PELI2: variants seen among roughly 807,000 people sequenced by gnomAD.
The protein encoded by PELI2 is E3 ubiquitin-protein ligase pellino homolog 2.
Under a neutral mutation model 42.3 loss-of-function variants are expected in PELI2, and 23 were observed. The observed-to-expected ratio is 0.54, with a 90% CI of 0.39 to 0.77. The LOEUF is 0.77. Among genes scored for constraint, PELI2 ranks in the 30% least tolerant of loss-of-function variants. PELI2 has a pLI of 0.00. For synonymous variants in PELI2, 245 were observed against 212.2 expected (o/e 1.15, Z -1.34); for missense variants, 463 against 553.2 (o/e 0.84, Z 1.64).
intron 1 of PELI2, among the ~76,000 whole-genome samples, chr14:56,133,538 T>A (rs1566598779): frequency 6.6e-6 from 1 of 152,266 alleles, no homozygotes; most frequent in Admixed American, 6.5e-5. Flanking sequence ...ACACATGTCC[T>A]GCCCAGGCAA....
chr14:56,243,766 C>T lies in PELI2; in HGVS notation c.208-35910C>T, dbSNP rs113537846. 4.8e-3 allele frequency among the ~76,000 whole-genome samples: 737 copies of T among 152,214 alleles called. 5 individuals are homozygous for T. The highest frequency in any genetic ancestry group is 8.8e-3 in the Non-Finnish European group (599 of 68,002). The stretch of plus-strand genomic sequence containing the variant: ...TAAGAAAAACTACAGCTCAAAATAA[C>T]ATAAGCATAAATAGTGAAGGGAAAC... On this transcript the variant is annotated intron_variant, in intron 2 of 5. Coordinates refer to ENST00000267460, the MANE Select transcript of PELI2 (RefSeq NM_021255.3).
chr14:56,186,925 C>T (rs1015655656), intron 2 of PELI2, among the ~76,000 whole-genome samples: 3 of 151,910 alleles, frequency 2.0e-5, no homozygotes, highest in African/African-American at 4.8e-5. Flanking sequence ...GAATTATGAC[C>T]CTGATTCAGG....
chr14:56,221,546 C>T (rs1253619520), intron 2 of PELI2, among the ~76,000 whole-genome samples: 1 of 152,198 alleles, frequency 6.6e-6, no homozygotes, highest in Admixed American at 6.5e-5. Flanking sequence ...CTCTAAAACT[C>T]CTTTGTCTGA....
At chr14:56,119,341 T>G (rs569282462) in intron 1 of PELI2, 2 of 151,972 alleles carry the variant, frequency 1.3e-5, no homozygotes, top group East Asian at 3.9e-4. Context: ...AGCAGTGAAC[T>G]GTGTGTGACC....
chr14:56,234,986 T>C (rs1232495491), intron 2 of PELI2, among the ~76,000 whole-genome samples: 1 of 152,140 alleles, frequency 6.6e-6, no homozygotes, highest in Non-Finnish European at 1.5e-5. Flanking sequence ...ATGGAAGCCT[T>C]TTCCTTCCTA....
At chr14:56,129,193 C>T (rs1376504212) in intron 1 of PELI2, among the ~76,000 whole-genome samples, 1 of 152,208 alleles carries the variant, frequency 6.6e-6, no homozygotes, top group Non-Finnish European at 1.5e-5. Flanking sequence ...GCAGTGTCAG[C>T]CTTCTGAGTA....
intron 2 of PELI2, among the ~76,000 whole-genome samples, chr14:56,236,159 A>C (rs972845119): frequency 1.3e-5 from 2 of 152,226 alleles, no homozygotes; most frequent in African/African-American, 4.8e-5. Flanking sequence ...TTTAATTTCT[A>C]AATTGACCAC....
At chr14:56,134,187 T>C (rs542336518) in intron 1 of PELI2, among the ~76,000 whole-genome samples, 4 of 152,220 alleles carry the variant, frequency 2.6e-5, no homozygotes, top group African/African-American at 4.8e-5. Context: ...TTTTAAACTT[T>C]AAGAAAGAGA....
Position 56,145,017 on chromosome 14 carries a change from G to T in PELI2, c.77+26280G>T. The stretch of plus-strand genomic sequence containing the variant: ...GACCAAAAGGTGGGTGTTAGGTTAA[G>T]TCCTGGCTTCTAGGTGTATTGCTAT... On this transcript the variant is annotated intron_variant, in intron 1 of 5. Transcript: ENST00000267460. The T allele has an allele frequency of 3.1e-6, 3 of 963,796 alleles. No individual in the cohort carries two copies. The South Asian group carries it at 1.4e-4, about 46-fold the overall frequency. 59.7% of individuals were successfully genotyped at this position (963,796 alleles called of 1,614,324 possible).
At chr14:56,151,904 A>ATGTT (rs1884373752) in intron 1 of PELI2, among the ~76,000 whole-genome samples, 1 of 152,166 alleles carries the variant, frequency 6.6e-6, no homozygotes, top group African/African-American at 2.4e-5. Context: ...AATTTAGTAG[A>ATGTT]TGTTTCCTTT....
At chr14:56,274,595 G>A (rs115760032) in intron 2 of PELI2, among the ~76,000 whole-genome samples, 69 of 152,218 alleles carry the variant, frequency 4.5e-4, no homozygotes, top group African/African-American at 1.1e-3. Flanking sequence ...TTCTCTAGAC[G>A]TATGAACCAT....
chr14:56,183,565 G>A (rs956242460), intron 2 of PELI2, among the ~76,000 whole-genome samples: 5 of 152,156 alleles, frequency 3.3e-5, no homozygotes, highest in African/African-American at 9.7e-5. Flanking sequence ...TGGGTTTATG[G>A]TCCTGATCGT....
intron 2 of PELI2, among the ~76,000 whole-genome samples, chr14:56,269,011 G>T (rs1889005548): frequency 6.6e-6 from 1 of 152,142 alleles, no homozygotes; most frequent in South Asian, 2.1e-4. Context: ...TTCATTTATG[G>T]TAACTAATGT....
chr14:56,281,546 G>T (rs1218631935), intron 3 of PELI2, among the ~76,000 whole-genome samples: 1 of 152,088 alleles, frequency 6.6e-6, no homozygotes, highest in Admixed American at 6.6e-5. Context: ...GATTGAGAAA[G>T]AAAGAATATT....
At chr14:56,176,040 A>G (rs541932028) in intron 1 of PELI2, among the ~76,000 whole-genome samples, 6 of 152,132 alleles carry the variant, frequency 3.9e-5, no homozygotes, top group Non-Finnish European at 7.4e-5. Context: ...CCAATTTTGT[A>G]TTTTCCAAAA....
intron 1 of PELI2, among the ~76,000 whole-genome samples, chr14:56,138,017 G>C (rs946518360): frequency 6.6e-6 from 1 of 152,160 alleles, no homozygotes; most frequent in Non-Finnish European, 1.5e-5. Flanking sequence ...TGCTGCCTCT[G>C]TATCCGTGGA....
chr14:56,265,385 T>C (rs539925814), intron 2 of PELI2, among the ~76,000 whole-genome samples: 1 of 152,236 alleles, frequency 6.6e-6, no homozygotes, highest in Non-Finnish European at 1.5e-5. Context: ...AAAAGGATAG[T>C]CTTTTAAACA....
chr14:56,247,481 A>C (rs1379872260), intron 2 of PELI2, among the ~76,000 whole-genome samples: 1 of 152,178 alleles, frequency 6.6e-6, no homozygotes, highest in Non-Finnish European at 1.5e-5. Flanking sequence ...ACACATATAA[A>C]TGTACATTTA....
chr14:56,131,954 C>A (rs1159965296), intron 1 of PELI2, among the ~76,000 whole-genome samples: 1 of 152,112 alleles, frequency 6.6e-6, no homozygotes, highest in Non-Finnish European at 1.5e-5. Context: ...TCTCTCTTTG[C>A]GGTAGTGAGG....
Sources: allele counts gnomAD v4.1 joint callset (sites outside exome capture counted in the v4.1 genomes callset), GRCh38; gene constraint gnomAD v4.1.1; transcripts MANE v1.5; gene names NCBI Gene and HGNC (gene_info 2026-07-23, HGNC 2026-07-21).